Variants in CLSTN2 observed in about 807,000 individuals in gnomAD.
The protein encoded by CLSTN2 is calsyntenin 2, also known as calsyntenin-2.
In CLSTN2, 48 loss-of-function variants were observed where a neutral mutation model predicts 101.2. The ratio of observed to expected loss-of-function variants is 0.47; its 90% confidence interval spans 0.38 to 0.60. The LOEUF is 0.60. Ranked by LOEUF, CLSTN2 falls within the 20% of genes least tolerant of loss-of-function variation. CLSTN2 has a pLI of 0.00. For synonymous variants in CLSTN2, 481 were observed against 463.6 expected (o/e 1.04, Z -0.48); for missense variants, 1,160 against 1,238.2 (o/e 0.94, Z 0.95).
chr3:140,258,352 A>C (rs1395505383), intron 2 of CLSTN2, among the ~76,000 whole-genome samples: 1 of 152,202 alleles, frequency 6.6e-6, no homozygotes, highest in Non-Finnish European at 1.5e-5. Flanking sequence ...ATATTTATAC[A>C]CAGGTTTTTA....
At chr3:140,531,039 G>T (rs1315259126) in intron 8 of CLSTN2, among the ~76,000 whole-genome samples, 1 of 152,156 alleles carries the variant, frequency 6.6e-6, no homozygotes, top group Non-Finnish European at 1.5e-5. Context: ...AGGTCTGCCT[G>T]TGTGCCACCT....
Position 139,935,296 on chromosome 3 carries a change from C to A in CLSTN2, c.-79C>A, listed in dbSNP as rs1934999726. On this transcript the variant is annotated 5_prime_UTR_variant, in exon 1 of 17. Transcript: ENST00000458420. The surrounding 1 kb of genome is among the most constrained non-coding windows in gnomAD (Gnocchi z 5.5). ...CCATCGGGCACGGCGAGGCGGCCCA[C>A]GGTGCGGCAGGCACCGGGAGGCGAG... 1.3e-6 allele frequency: 1 copy of A among 762,198 alleles called. No individual in the cohort carries two copies. Among genetic ancestry groups the A allele is most frequent in the Non-Finnish European group, 1.8e-6 (1 of 564,350 alleles). 47.2% of individuals were successfully genotyped at this position (762,198 alleles called of 1,614,324 possible). A position where few individuals can be genotyped will look rare whatever the true frequency, so the allele number is the denominator to read the frequency against.
At chr3:140,457,391 C>G (rs10212231) in intron 6 of CLSTN2, among the ~76,000 whole-genome samples, 43,034 of 152,122 alleles carry the variant, frequency 0.28, 6,249 homozygotes, top group Admixed American at 0.38. Context: ...GTCAAAGAAA[C>G]TATTGCCATG....
At chr3:140,502,254 C>CTAAT (rs1553749645) in intron 8 of CLSTN2, among the ~76,000 whole-genome samples, 2 of 152,208 alleles carry the variant, frequency 1.3e-5, no homozygotes, top group South Asian at 2.1e-4. Flanking sequence ...TGAAAGTCAA[C>CTAAT]TAATTCTACA....
chr3:140,435,543 C>T (rs913235509), intron 5 of CLSTN2, among the ~76,000 whole-genome samples: 11 of 152,142 alleles, frequency 7.2e-5, no homozygotes, highest in Non-Finnish European at 1.5e-4. Flanking sequence ...GTGCAGATAT[C>T]TCTTCAATAC....
chr3:140,174,670 A>G (rs1164546132), intron 1 of CLSTN2, among the ~76,000 whole-genome samples: 1 of 152,208 alleles, frequency 6.6e-6, no homozygotes, highest in Admixed American at 6.5e-5. Context: ...GGAAGCCGTA[A>G]AAGCGGAAAC....
chr3:140,563,052 C>T, intron 14 of CLSTN2, 28 bp from the exon 15 acceptor site: 3 of 1,613,490 alleles, frequency 1.9e-6, no homozygotes, highest in Non-Finnish European at 8.5e-7. Flanking sequence ...ACTCCTGGGT[C>T]AATAGCACCT....
chr3:139,947,350 T>C (rs778195544), intron 1 of CLSTN2, among the ~76,000 whole-genome samples: 3 of 152,222 alleles, frequency 2.0e-5, no homozygotes, highest in South Asian at 2.1e-4. Flanking sequence ...CCAATACTTA[T>C]TGGTGCACAT....
chr3:139,968,928 C>T (rs1403098577), intron 1 of CLSTN2, among the ~76,000 whole-genome samples: 2 of 152,150 alleles, frequency 1.3e-5, no homozygotes, highest in African/African-American at 4.8e-5. Context: ...CTATAAAAGA[C>T]ATCATTATTA....
chr3:139,998,872 A>G lies in CLSTN2; in HGVS notation c.109+63389A>G, dbSNP rs868369948. The stretch of plus-strand genomic sequence containing the variant: ...TCTGGCTTATATTCTAGTCACACAC[A>G]CAGGCTACATAAGATCTAAGTAGGT... On this transcript the variant is annotated intron_variant, in intron 1 of 16. Coordinates refer to ENST00000458420, the MANE Select transcript of CLSTN2 (RefSeq NM_022131.3). 8.5e-5 allele frequency among the ~76,000 whole-genome samples: 13 copies of G among 152,196 alleles called. 1 individual carries two copies. The highest frequency in any genetic ancestry group is 3.2e-3 in the Middle Eastern group (1 of 316).
intron 2 of CLSTN2, among the ~76,000 whole-genome samples, chr3:140,240,094 C>A (rs2086447274): frequency 6.9e-6 from 1 of 145,008 alleles, no homozygotes; most frequent in Admixed American, 7.1e-5. Context: ...AACCTCCAGC[C>A]TAGCTCTGGC....
At chr3:140,380,782 A>G (rs1346910745) in intron 2 of CLSTN2, among the ~76,000 whole-genome samples, 1 of 152,204 alleles carries the variant, frequency 6.6e-6, no homozygotes, top group African/African-American at 2.4e-5. Flanking sequence ...GGGATTACAG[A>G]CAGGCAACCC....
intron 2 of CLSTN2, among the ~76,000 whole-genome samples, chr3:140,259,361 C>A (rs1477669802): frequency 6.6e-6 from 1 of 152,022 alleles, no homozygotes; most frequent in Non-Finnish European, 1.5e-5. Context: ...GTAATCCCAG[C>A]TACTCAGGAG....
At chr3:140,285,390 G>C (rs2086886637) in intron 2 of CLSTN2, among the ~76,000 whole-genome samples, 1 of 152,094 alleles carries the variant, frequency 6.6e-6, no homozygotes, top group Admixed American at 6.6e-5. Flanking sequence ...TTAAGGGAGT[G>C]TTATGCCCTC....
At chr3:140,073,892 T>A (rs1458723201) in intron 1 of CLSTN2, among the ~76,000 whole-genome samples, 2 of 152,188 alleles carry the variant, frequency 1.3e-5, no homozygotes, top group African/African-American at 4.8e-5. Flanking sequence ...TCCTGTGAAC[T>A]TGCCTGAAAA....
intron 4 of CLSTN2, among the ~76,000 whole-genome samples, chr3:140,405,822 G>A (rs1251181135): frequency 1.3e-5 from 2 of 152,208 alleles, no homozygotes; most frequent in Admixed American, 1.3e-4. Context: ...TTAATTATTA[G>A]TGTGAGTGTG....
chr3:140,298,193 T>A (rs1011259678), intron 2 of CLSTN2, among the ~76,000 whole-genome samples: 2 of 152,236 alleles, frequency 1.3e-5, no homozygotes, highest in African/African-American at 4.8e-5. Flanking sequence ...AATTTCTGGC[T>A]GTATACTAGC....
chr3:140,225,006 G>A (rs957890125), intron 2 of CLSTN2, among the ~76,000 whole-genome samples: 1 of 152,204 alleles, frequency 6.6e-6, no homozygotes, highest in African/African-American at 2.4e-5. Flanking sequence ...AAGTGCGCCA[G>A]CCAGCCCTCC....
Position 140,558,844 on chromosome 3 carries a change from C to G in CLSTN2, c.2028C>G (p.Asp676Glu), listed in dbSNP as rs144701273. 1.9e-6 allele frequency: 3 copies of G among 1,613,564 alleles called. No homozygotes were observed. The highest frequency in any genetic ancestry group is 2.7e-5 in the African/African-American group (2 of 74,850). ...TCGCCAAAACCGAAGCCCCCGGGGA[C>G]GTGAAAACCACAGGTACAGGTGCAT... The part of the protein sequence containing the change: ...STFAKTEAPG[D>E]VKTTDPKSEV... Residue 676 changes from aspartate to glutamate, a missense_variant, in exon 12 of 17, where the codon GAC becomes GAG. Physicochemically the swap from Asp to Glu is conservative, Grantham distance 45 (BLOSUM62 2). Coordinates refer to ENST00000458420, the MANE Select transcript of CLSTN2 (RefSeq NM_022131.3).
Sources: gnomAD v4.1 joint callset for allele counts (sites outside exome capture counted in the v4.1 genomes callset) on GRCh38, gnomAD v4.1.1 for gene constraint, Gnocchi (gnomAD v3.1) non-coding constraint, MANE v1.5 for transcripts, NCBI Gene and HGNC (gene_info 2026-07-23, HGNC 2026-07-21) for gene names.